Variants in STXBP5L observed in about 807,000 individuals in gnomAD.
STXBP5L encodes syntaxin binding protein 5L.
STXBP5L carries 65 observed loss-of-function variants against 144.5 expected under a neutral mutation model. That is an observed-to-expected ratio of 0.45 (90% confidence interval 0.37 to 0.55). The LOEUF is 0.55. Ranked by LOEUF, STXBP5L falls within the 20% of genes least tolerant of loss-of-function variation. The pLI is 0.00. For synonymous variants in STXBP5L, 505 were observed against 469.6 expected (o/e 1.08, Z -0.97); for missense variants, 1,298 against 1,405.5 (o/e 0.92, Z 1.22).
At chr3:121,409,008 T>C (rs937727895) in intron 23 of STXBP5L, among the ~76,000 whole-genome samples, 3 of 151,894 alleles carry the variant, frequency 2.0e-5, no homozygotes, top group East Asian at 3.9e-4. Flanking sequence ...TGAGAATAAA[T>C]ATTTGAAATT....
intron 5 of STXBP5L, among the ~76,000 whole-genome samples, chr3:121,106,515 G>A (rs990843430): frequency 2.6e-5 from 4 of 152,124 alleles, no homozygotes; most frequent in African/African-American, 9.7e-5. Flanking sequence ...CTGTTCCTGT[G>A]TTAGTTTGCT....
chr3:121,266,493 T>G lies in STXBP5L; in HGVS notation c.1958+7325T>G, dbSNP rs536848744. ...ACGTATCTCAAAATAATAAGAGCTATTTATGAGAAACCCACAGCCAATATC... is the reference window on the plus strand; with the variant it reads ...ACGTATCTCAAAATAATAAGAGCTAGTTATGAGAAACCCACAGCCAATATC... On this transcript the variant is annotated intron_variant, in intron 18 of 26. Transcript: ENST00000471454. 2.6e-5 allele frequency among the ~76,000 whole-genome samples: 4 copies of G among 152,304 alleles called. No homozygotes were observed. In the East Asian group the frequency reaches 7.7e-4, roughly 29 times the overall value.
At chr3:121,068,261 G>A (rs1054430344) in intron 5 of STXBP5L, among the ~76,000 whole-genome samples, 2 of 152,224 alleles carry the variant, frequency 1.3e-5, no homozygotes, top group East Asian at 1.9e-4. Context: ...GCCTGCCTCG[G>A]CCTCCCAGTG....
chr3:121,125,102 G>A (rs1203101998), intron 7 of STXBP5L, among the ~76,000 whole-genome samples: 2 of 152,100 alleles, frequency 1.3e-5, no homozygotes, highest in South Asian at 4.1e-4. Context: ...CTTGGAAGGG[G>A]AAAGCTTCCC....
intron 9 of STXBP5L, among the ~76,000 whole-genome samples, chr3:121,182,236 G>T (rs930022962): frequency 7.9e-5 from 12 of 152,120 alleles, no homozygotes; most frequent in Admixed American, 3.3e-4. Flanking sequence ...TCATCAGCAC[G>T]TGGAACATTC....
intron 7 of STXBP5L, among the ~76,000 whole-genome samples, chr3:121,139,744 A>G (rs1440793084): frequency 6.6e-6 from 1 of 152,110 alleles, no homozygotes; most frequent in Non-Finnish European, 1.5e-5. Context: ...CAAATGTATG[A>G]AACTTGAAGA....
chr3:121,296,800 T>C (rs1019830804), intron 19 of STXBP5L, among the ~76,000 whole-genome samples: 2 of 152,118 alleles, frequency 1.3e-5, no homozygotes, highest in African/African-American at 4.8e-5. Flanking sequence ...CAACCCTAAA[T>C]AGAAAAATAA....
At chr3:121,324,439 G>A (rs1269682852) in intron 20 of STXBP5L, 7 of 616,432 alleles carry the variant, frequency 1.1e-5, no homozygotes, top group Non-Finnish European at 1.4e-5. Flanking sequence ...AAAATTATTG[G>A]TTCACTTAGG....
chr3:121,368,517 C>A (rs779843318), intron 20 of STXBP5L, among the ~76,000 whole-genome samples: 11 of 151,750 alleles, frequency 7.2e-5, no homozygotes, highest in Non-Finnish European at 1.6e-4. Flanking sequence ...TTCAATGGGC[C>A]ATCCTTCCCT....
rs1285363879 is a variant in STXBP5L at position 120,980,395 on chromosome 3, C to T, written c.287+25358C>T. Among the ~76,000 whole-genome samples the T allele has an allele frequency of 6.0e-5, 9 of 149,326 alleles. No individual in the cohort carries two copies. In the East Asian group the frequency reaches 9.7e-4, roughly 16 times the overall value. On this transcript the variant is annotated intron_variant, in intron 3 of 26. Coordinates refer to ENST00000471454, the MANE Select transcript of STXBP5L (RefSeq NM_001308330.2). ...TGTTTGTTTTATGAATATGGGTGCT[C>T]TATGTATATAGAATTGTTATATTTT...
chr3:121,194,909 C>CTTTTTTT lies in STXBP5L; in HGVS notation c.878-10995_878-10989dup, dbSNP rs10717806. ...TCTGAGATAGGTCCCTCTTTTCACT[C>CTTTTTTT]TTTTTTTTTTTTTTTTTTTTTTTTT... On this transcript the variant is annotated intron_variant, in intron 9 of 26. Transcript: ENST00000471454. 9.5e-4 allele frequency among the ~76,000 whole-genome samples: 65 copies of CTTTTTTT among 68,492 alleles called. 3 individuals carry two copies. The highest frequency in any genetic ancestry group is 3.9e-3 in the South Asian group (6 of 1,520). 44.9% of individuals were successfully genotyped at this position (68,492 alleles called of 152,430 possible).
At chr3:121,064,569 C>G (rs2041451946) in intron 5 of STXBP5L, among the ~76,000 whole-genome samples, 1 of 152,182 alleles carries the variant, frequency 6.6e-6, no homozygotes, top group African/African-American at 2.4e-5. Context: ...AATATTGACT[C>G]TCTGTCATTG....
intron 3 of STXBP5L, among the ~76,000 whole-genome samples, chr3:121,003,024 ATG>A (rs1943924513): frequency 6.6e-6 from 1 of 152,138 alleles, no homozygotes; most frequent in African/African-American, 2.4e-5. Context: ...ATACGTGTGC[ATG>A]TGTCTTTATA....
chr3:121,350,204 T>TGTAAAG (rs2045215518), intron 20 of STXBP5L, among the ~76,000 whole-genome samples: 1 of 152,166 alleles, frequency 6.6e-6, no homozygotes, highest in African/African-American at 2.4e-5. Context: ...ATCTTATTTC[T>TGTAAAG]CCTTCACTTA....
intron 20 of STXBP5L, among the ~76,000 whole-genome samples, chr3:121,339,533 A>G (rs1356030541): frequency 6.6e-6 from 1 of 152,160 alleles, no homozygotes; most frequent in Non-Finnish European, 1.5e-5. Context: ...TACCACTTCT[A>G]TTCAATATAG....
chr3:121,346,269 A>G (rs920820544), intron 20 of STXBP5L, among the ~76,000 whole-genome samples: 1 of 152,046 alleles, frequency 6.6e-6, no homozygotes, highest in Non-Finnish European at 1.5e-5. Context: ...ATGTCCCTAC[A>G]AAGGACATGA....
chr3:121,206,333 G>T lies in STXBP5L; in HGVS notation c.956+332G>T, dbSNP rs182319609. Among the ~76,000 whole-genome samples, 175 of 152,264 alleles carry T rather than the reference G, an allele frequency of 1.1e-3. 1 individual carries two copies. The highest frequency in any genetic ancestry group is 5.3e-4 in the Non-Finnish European group (36 of 68,020). On this transcript the variant is annotated intron_variant, in intron 10 of 26. Transcript: ENST00000471454. The stretch of plus-strand genomic sequence containing the variant: ...AGCAATGTGCCCGTTAATATTGCAT[G>T]TGAAAGACTTAAATACATAACCAAG...
intron 3 of STXBP5L, among the ~76,000 whole-genome samples, chr3:120,966,390 G>A (rs913018549): frequency 6.6e-6 from 1 of 152,162 alleles, no homozygotes; most frequent in African/African-American, 2.4e-5. Flanking sequence ...CAGCTTTTCT[G>A]CTCTGGTTTC....
chr3:121,412,287 A>C (rs2047129901), intron 23 of STXBP5L, among the ~76,000 whole-genome samples: 1 of 152,154 alleles, frequency 6.6e-6, no homozygotes, highest in Non-Finnish European at 1.5e-5. Flanking sequence ...TTCTGGGCTA[A>C]CAAGGTCCTC....
Sources: allele counts gnomAD v4.1 joint callset (sites outside exome capture counted in the v4.1 genomes callset), GRCh38; gene constraint gnomAD v4.1.1; transcripts MANE v1.5; gene names NCBI Gene and HGNC (gene_info 2026-07-23, HGNC 2026-07-21).